COL12A1: variants seen among roughly 807,000 people sequenced by gnomAD.
COL12A1 encodes the protein collagen type XII alpha 1 chain.
Under a neutral mutation model 349.7 loss-of-function variants are expected in COL12A1, and 114 were observed. The ratio of observed to expected loss-of-function variants is 0.33; its 90% confidence interval spans 0.28 to 0.38. The LOEUF (loss-of-function observed/expected upper bound fraction) is 0.38. Ranked by LOEUF, COL12A1 falls within the 10% of genes least tolerant of loss-of-function variation. The pLI is 1.00. For missense variants in COL12A1, 3,284 were observed against 3,756.9 expected, an observed-to-expected ratio of 0.87 and a Z score of 3.29; for synonymous variants, 1,369 against 1,329.0, an observed-to-expected ratio of 1.03 and a Z score of -0.66.
rs1480127304 is a variant in COL12A1 at position 75,133,310 on chromosome 6, G to A, written c.5777C>T (p.Ser1926Leu). The change falls in exon 34 of 66, where the codon TCA becomes TTA. Residue 1926 changes from serine (S) to leucine (L), a missense_variant. By Grantham distance (145) the Ser-to-Leu change is moderately radical (BLOSUM62 -2). Around this residue, in one of 2 missense-constraint regions of COL12A1, gnomAD observed 2,601 missense variants for 2,824.8 expected, o/e 0.92. Transcript: ENST00000322507. ...VYTEGDGGRT[S>L]DTGRTLMRGL... ...TTACTTACATGTCCTTCCAGTATCTGATGTGCGTCCCCCATCACCTTCAGT... is the reference window on the plus strand; with the variant it reads ...TTACTTACATGTCCTTCCAGTATCTAATGTGCGTCCCCCATCACCTTCAGT... The A allele has an allele frequency of 6.3e-7, 1 of 1,597,316 alleles. No individual in the cohort carries two copies. Among genetic ancestry groups the A allele is most frequent in the Non-Finnish European group, 8.5e-7 (1 of 1,173,378 alleles).
intron 16 of COL12A1, among the ~76,000 whole-genome samples, chr6:75,155,345 T>G (rs1378957979): frequency 2.0e-5 from 3 of 152,112 alleles, no homozygotes; most frequent in Admixed American, 1.3e-4. Context: ...TCGGTGACAT[T>G]GTGTAATAAG....
intron 5 of COL12A1, 115 bp from the exon 6 acceptor site, chr6:75,189,930 C>A: frequency 4.4e-6 from 5 of 1,135,528 alleles, no homozygotes; most frequent in Non-Finnish European, 6.2e-6. Flanking sequence ...AGAACATATT[C>A]ACCAATTGTT....
At chr6:75,194,527 A>G (rs955348643) in intron 3 of COL12A1, among the ~76,000 whole-genome samples, 1 of 152,190 alleles carries the variant, frequency 6.6e-6, no homozygotes, top group Admixed American at 6.6e-5. Context: ...ATGCCAAAGA[A>G]TGAGGATTTG....
intron 10 of COL12A1, among the ~76,000 whole-genome samples, chr6:75,182,095 CAAAAA>C (rs66532054): frequency 1.9e-5 from 2 of 103,054 alleles, no homozygotes; most frequent in Non-Finnish European, 4.2e-5. Flanking sequence ...GACCCTGTCT[CAAAAA>C]AAAAAAAAAA....
chr6:75,144,944 C>T (rs1359602085), intron 25 of COL12A1, among the ~76,000 whole-genome samples: 1 of 152,222 alleles, frequency 6.6e-6, no homozygotes, highest in Non-Finnish European at 1.5e-5. Context: ...ATTACACTCA[C>T]TCAACATTCC....
rs35292916 is a variant in COL12A1 at position 75,087,596 on chromosome 6, G to A, written c.9162C>T (p.Tyr3054=). ...CDSSQCASIP[Y]NGQGYPGSG is the part of the protein sequence containing the mutation. Reference sequence around the variant, plus strand: ...ACGTACCTGGATAGCCTTGCCCGTTGTATGGGATGCTGGCACACTGAGAAG... The same window carrying A: ...ACGTACCTGGATAGCCTTGCCCGTTATATGGGATGCTGGCACACTGAGAAG... Residue 3054 remains tyrosine (Y), a synonymous_variant, in exon 65 of 66, where the codon TAC becomes TAT. Transcript: ENST00000322507. 5,263 of 1,613,826 alleles carry A rather than the reference G, an allele frequency of 3.3e-3. 237 individuals carry two copies. In the Admixed American group the frequency reaches 0.072, roughly 22 times the overall value.
chr6:75,143,557 T>C (rs541738864), intron 25 of COL12A1, among the ~76,000 whole-genome samples, 169 bp from the exon 26 acceptor site: 2 of 152,208 alleles, frequency 1.3e-5, no homozygotes, highest in African/African-American at 4.8e-5. Flanking sequence ...CCAGATAGAC[T>C]GAATTCTTCT....
At chr6:75,113,074 T>G in intron 51 of COL12A1, 130 bp downstream of exon 51, 2 of 493,838 alleles carry the variant, frequency 4.0e-6, no homozygotes, top group Non-Finnish European at 6.9e-6. Context: ...AACCAAATTC[T>G]CTAAAACAAG....
intron 13 of COL12A1, 78 bp downstream of exon 13, chr6:75,174,960 T>C (rs1768840630): frequency 1.3e-6 from 2 of 1,491,794 alleles, no homozygotes; most frequent in Admixed American, 1.9e-5. Context: ...AGATTCATTG[T>C]CTGAAGACAT....
intron 64 of COL12A1, 115 bp from the exon 65 acceptor site, chr6:75,087,862 G>T (rs1582026334): frequency 9.2e-7 from 1 of 1,090,090 alleles, no homozygotes; most frequent in Non-Finnish European, 1.3e-6. Context: ...ATTTACTATT[G>T]TATGGTAAGA....
intron 14 of COL12A1, among the ~76,000 whole-genome samples, chr6:75,164,775 A>G (rs1206581468): frequency 6.6e-6 from 1 of 152,120 alleles, no homozygotes; most frequent in Non-Finnish European, 1.5e-5. Flanking sequence ...AGGATAGTGA[A>G]TTAAGATATC....
At chr6:75,095,700 G>T (rs1003598606) in intron 59 of COL12A1, among the ~76,000 whole-genome samples, 1 of 151,406 alleles carries the variant, frequency 6.6e-6, no homozygotes. Context: ...AATCCTTATG[G>T]ACTATATAGT....
chr6:75,098,502 GA>G (rs1562108079), intron 58 of COL12A1, among the ~76,000 whole-genome samples: 1 of 152,100 alleles, frequency 6.6e-6, no homozygotes, highest in African/African-American at 2.4e-5. Flanking sequence ...AAAAGTGAAA[GA>G]AAAAAAGTAG....
chr6:75,144,346 G>A (rs1767068629), intron 25 of COL12A1, among the ~76,000 whole-genome samples: 1 of 152,078 alleles, frequency 6.6e-6, no homozygotes, highest in African/African-American at 2.4e-5. Flanking sequence ...ACATATAAAG[G>A]AGGATTAATA....
intron 43 of COL12A1, among the ~76,000 whole-genome samples, chr6:75,122,959 A>G (rs938922956): frequency 7.9e-5 from 12 of 152,254 alleles, no homozygotes; most frequent in African/African-American, 2.9e-4. Context: ...TTTAAAGCCA[A>G]CAGCCTCAGG....
At chr6:75,121,827 T>C (rs567006237) in intron 43 of COL12A1, among the ~76,000 whole-genome samples, 1 of 152,154 alleles carries the variant, frequency 6.6e-6, no homozygotes, top group East Asian at 1.9e-4. Context: ...TGAAATGTAA[T>C]TATTAAAGAT....
At chr6:75,175,444 G>C in intron 12 of COL12A1, 134 bp from the exon 13 acceptor site, 1 of 1,038,136 alleles carries the variant, frequency 9.6e-7, no homozygotes, top group South Asian at 1.7e-5. Context: ...AATTTTAACT[G>C]TTGACCAGCC....
rs1582133150 is a variant in COL12A1 at position 75,148,468 on chromosome 6, T to C, written c.4177A>G (p.Ile1393Val). 6.2e-7 allele frequency: 1 copy of C among 1,613,390 alleles called. No individual in the cohort carries two copies. The highest frequency in any genetic ancestry group is 8.5e-7 in the Non-Finnish European group (1 of 1,179,482). ...AAAGAACGATGGGTTCGCTCAGAAA[T>C]AACTAAGTTAGAAGGTGCTTCCAAA... ...GDLEAPSNLVISERTHRSFRV... is the reference protein window; with the variant it reads ...GDLEAPSNLVVSERTHRSFRV... Residue 1393 changes from isoleucine to valine, a missense_variant, in exon 22 of 66, where the codon ATT becomes GTT. Around this residue, in one of 2 missense-constraint regions of COL12A1, gnomAD observed 2,601 missense variants for 2,824.8 expected, o/e 0.92. Coordinates refer to ENST00000322507, the MANE Select transcript of COL12A1 (RefSeq NM_004370.6).
rs1364305836 is a variant in COL12A1 at position 75,113,731 on chromosome 6, T to C, written c.7711A>G (p.Asn2571Asp). 1 of 1,591,540 alleles carries C rather than the reference T, an allele frequency of 6.3e-7. No individual in the cohort carries two copies. The highest frequency in any genetic ancestry group is 8.6e-7 in the Non-Finnish European group (1 of 1,165,638). ...VNQPTADLHP[N>D]GLPPSYTIIL... is the part of the protein sequence containing the mutation. ...ATCGTGTATGAAGGAGGGAGTCCAT[T>C]TGGGTGTAGGTCTCTGTTGGATAAA... Residue 2571 changes from asparagine (N) to aspartate (D), a missense_variant, in exon 50 of 66, where the codon AAT becomes GAT. Asn to Asp is a conservative substitution (Grantham distance 23). Coordinates refer to ENST00000322507, the MANE Select transcript of COL12A1 (RefSeq NM_004370.6).
Sources: gnomAD v4.1 joint callset for allele counts (sites outside exome capture counted in the v4.1 genomes callset) on GRCh38, gnomAD v4.1.1 for gene constraint, gnomAD v4.1.1 regional missense constraint, MANE v1.5 for transcripts, NCBI Gene and HGNC (gene_info 2026-07-23, HGNC 2026-07-21) for gene names.